The following ATRX variants were observed in gnomAD, a reference collection of about 807,000 sequenced individuals.
The protein encoded by ATRX is chromatin remodeler ATRX.
A neutral mutation model predicts 172.6 loss-of-function variants in ATRX; 12 were observed. The ratio of observed to expected loss-of-function variants is 0.07; its 90% CI spans 0.04 to 0.11. ATRX has a LOEUF of 0.11. Ranked by LOEUF, ATRX falls within the 10% of genes least tolerant of loss-of-function variation. The probability of loss-of-function intolerance (pLI) is 1.00; values close to 1 mark genes in which losing one functional copy is unlikely to be tolerated. For missense variants in ATRX, 1,368 were observed against 1,767.4 expected (o/e 0.77, Z 4.05); for synonymous variants, 674 against 594.7 (o/e 1.13, Z -1.94).
chrX:77,721,262 G>T (rs1444246091), intron 1 of ATRX, among the ~76,000 whole-genome samples: 1 of 111,521 alleles, frequency 9.0e-6, no homozygotes, highest in Non-Finnish European at 1.9e-5. Flanking sequence ...TTTGAAACCC[G>T]GTACAAGACA....
chrX:77,742,234 C>T (rs782185565), intron 1 of ATRX, among the ~76,000 whole-genome samples: 20 of 112,140 alleles, frequency 1.8e-4, no homozygotes, highest in African/African-American at 6.5e-4. Context: ...ACCCATCCAA[C>T]ATCAACTCTA....
At chrX:77,619,669 A>G (rs1557098830) in intron 20 of ATRX, among the ~76,000 whole-genome samples, 1 of 111,594 alleles carries the variant, frequency 9.0e-6, no homozygotes, top group African/African-American at 3.3e-5. Context: ...AAAAACAAAC[A>G]TAAAGTATAG....
rs782312173 is a variant in ATRX, at chrX:77,616,494, T to C, written c.5566+119A>G. 2.5e-6 allele frequency: 3 copies of C among 1,180,628 alleles called. No homozygotes were observed. The African/African-American group carries it at 5.2e-5, about 21-fold the overall frequency. On this transcript the variant is annotated intron_variant, in intron 22 of 34. Coordinates refer to ENST00000373344, the MANE Select transcript of ATRX (RefSeq NM_000489.6). ...TATTTTATGCTTTTAAGCATACCCA[T>C]TTTATTCAAATGCAAAACTGAAAAA...
intron 29 of ATRX, among the ~76,000 whole-genome samples, chrX:77,558,131 C>A (rs913618437): frequency 9.1e-6 from 1 of 110,214 alleles, no homozygotes; most frequent in Non-Finnish European, 1.9e-5. Context: ...ATATAAAATA[C>A]CATATCCATT....
chrX:77,526,619 T>C (rs3027531), intron 30 of ATRX, among the ~76,000 whole-genome samples: 10 of 112,496 alleles, frequency 8.9e-5, no homozygotes, highest in African/African-American at 3.2e-4. Flanking sequence ...TTGTACTTTT[T>C]GAACTTTTTA....
At chrX:77,722,274 C>A (rs1390367471) in intron 1 of ATRX, among the ~76,000 whole-genome samples, 1 of 110,762 alleles carries the variant, frequency 9.0e-6, no homozygotes, top group Non-Finnish European at 1.9e-5. Context: ...TGGGCAAAGA[C>A]TTCATGACTA....
At position 77,682,542 on chromosome X, in the gene ATRX, C is replaced by G. The variant is rs1557139012; in HGVS notation, c.2714G>C (p.Arg905Thr). ...TTGCTGCTTCTTAGGAAGTCGATCTCTTAATTCCATGATGGTCGTGTCTTT... is the reference window on the plus strand; with the variant it reads ...TTGCTGCTTCTTAGGAAGTCGATCTGTTAATTCCATGATGGTCGTGTCTTT... Reference protein sequence around the residue: ...VDKDTTIMELRDRLPKKQQAS... With the variant: ...VDKDTTIMELTDRLPKKQQAS... The change falls in exon 9 of 35, where the codon AGA becomes ACA. Residue 905 changes from arginine to threonine, a missense_variant. Arg to Thr is a moderately conservative substitution (Grantham distance 71). This residue lies in a region of ATRX where 843 missense variants were observed against 643.1 expected (regional missense o/e 1.31). Coordinates refer to ENST00000373344, the MANE Select transcript of ATRX (RefSeq NM_000489.6). 1.2e-5 allele frequency: 15 copies of G among 1,211,547 alleles called. No individual in the cohort carries two copies. Among genetic ancestry groups the G allele is most frequent in the South Asian group, 3.5e-5 (2 of 56,984 alleles).
At chrX:77,718,828 C>T (rs911300045) in intron 1 of ATRX, among the ~76,000 whole-genome samples, 15 of 111,378 alleles carry the variant, frequency 1.3e-4, no homozygotes, top group Non-Finnish European at 2.8e-4. Flanking sequence ...AGCACAGTGG[C>T]GTGACCTTGA....
chrX:77,669,286 T>C (rs2070424606), intron 10 of ATRX, among the ~76,000 whole-genome samples: 1 of 110,882 alleles, frequency 9.0e-6, no homozygotes, highest in African/African-American at 3.3e-5. Flanking sequence ...TGCTAATGAG[T>C]GCCTGGGCAA....
intron 1 of ATRX, 129 bp downstream of exon 1, chrX:77,785,853 A>G (rs2076729257): frequency 1.1e-6 from 1 of 908,886 alleles, no homozygotes; most frequent in Non-Finnish European, 1.4e-6. Context: ...ACCTAAAGAG[A>G]AAACGATGCC....
At chrX:77,765,754 G>C (rs1241534743) in intron 1 of ATRX, among the ~76,000 whole-genome samples, 3 of 106,900 alleles carry the variant, frequency 2.8e-5, no homozygotes, top group African/African-American at 1.0e-4. Context: ...GATTTGGCAG[G>C]GTCATAGGAC....
chrX:77,610,258 A>G (rs1253716624), intron 22 of ATRX, among the ~76,000 whole-genome samples: 1 of 112,279 alleles, frequency 8.9e-6, no homozygotes, highest in African/African-American at 3.2e-5. Context: ...CAGAACCTCT[A>G]GAAAATGTTA....
At chrX:77,615,087 C>G (rs1407165616) in intron 22 of ATRX, among the ~76,000 whole-genome samples, 3 of 111,258 alleles carry the variant, frequency 2.7e-5, no homozygotes, top group African/African-American at 9.8e-5. Flanking sequence ...CAGCCTTGAC[C>G]TCTCAGGATC....
intron 1 of ATRX, among the ~76,000 whole-genome samples, chrX:77,773,922 CT>C (rs1284417601): frequency 9.0e-6 from 1 of 111,261 alleles, no homozygotes; most frequent in Non-Finnish European, 1.9e-5. Context: ...GGCCTGTGTT[CT>C]TTTAAAAATG....
intron 25 of ATRX, among the ~76,000 whole-genome samples, chrX:77,598,312 C>A (rs782574115): frequency 9.0e-6 from 1 of 110,742 alleles, no homozygotes; most frequent in Non-Finnish European, 1.9e-5. Flanking sequence ...GGGGCAAAGA[C>A]TGAAAAACTA....
intron 30 of ATRX, among the ~76,000 whole-genome samples, chrX:77,555,946 G>A (rs2064763057): frequency 9.2e-6 from 1 of 109,021 alleles, no homozygotes; most frequent in African/African-American, 3.3e-5. Flanking sequence ...AGGCTGAGGT[G>A]GGTGGATCAC....
intron 30 of ATRX, among the ~76,000 whole-genome samples, chrX:77,538,707 G>A (rs1341619665): frequency 9.0e-6 from 1 of 111,549 alleles, no homozygotes; most frequent in Non-Finnish European, 1.9e-5. Context: ...AGTAGCCTGA[G>A]CAATTGTGAG....
chrX:77,521,084 G>T, intron 33 of ATRX, 168 bp from the exon 34 acceptor site: 1 of 488,940 alleles, frequency 2.0e-6, no homozygotes, highest in Non-Finnish European at 3.4e-6. Flanking sequence ...GTTCACTGCT[G>T]TACCTGGGCT....
chrX:77,763,838 G>A (rs1557194150), intron 1 of ATRX, among the ~76,000 whole-genome samples: 1 of 111,341 alleles, frequency 9.0e-6, no homozygotes, highest in African/African-American at 3.3e-5. Flanking sequence ...AATAGCCTGG[G>A]CGCAGTGGTG....
Sources: gnomAD v4.1 joint callset for allele counts (sites outside exome capture counted in the v4.1 genomes callset) on GRCh38, gnomAD v4.1.1 for gene constraint, gnomAD v4.1.1 regional missense constraint, MANE v1.5 for transcripts, NCBI Gene and HGNC (gene_info 2026-07-23, HGNC 2026-07-21) for gene names.